The following IL4 variants were observed in gnomAD, a reference collection of about 807,000 sequenced individuals.
IL4 encodes the protein interleukin-4.
IL4 carries 10 observed loss-of-function variants against 17.4 expected under a neutral mutation model. That is an observed-to-expected ratio of 0.57 (90% confidence interval 0.35 to 0.97). The LOEUF (loss-of-function observed/expected upper bound fraction) is 0.97, where lower values mean the gene tolerates loss of function less well. Ranked by LOEUF, IL4 falls within the 50% of genes least tolerant of loss-of-function variation. The pLI, the probability that IL4 is intolerant of heterozygous loss-of-function variation, is 0.01. For synonymous variants in IL4, 87 were observed against 79.0 expected (o/e 1.10, Z -0.54); for missense variants, 174 against 187.7 (o/e 0.93, Z 0.43).
intron 2 of IL4, 60 bp downstream of exon 2, chr5:132,674,566 A>C: frequency 7.2e-7 from 1 of 1,397,150 alleles, no homozygotes; most frequent in East Asian, 2.3e-5. Flanking sequence ...CAAATGTCTG[A>C]ACAAGAAACT....
At chr5:132,676,741 G>A (rs1752389894) in intron 2 of IL4, among the ~76,000 whole-genome samples, 1 of 152,204 alleles carries the variant, frequency 6.6e-6, no homozygotes, top group Admixed American at 6.5e-5. Context: ...ACCTACAAAG[G>A]TGGTATGCAG....
intron 2 of IL4, among the ~76,000 whole-genome samples, chr5:132,679,361 G>A (rs1752441495): frequency 6.6e-6 from 1 of 152,218 alleles, no homozygotes; most frequent in South Asian, 2.1e-4. Context: ...TAGAGACACG[G>A]ACGCAGAACG....
chr5:132,676,193 C>T (rs1484430788), intron 2 of IL4, among the ~76,000 whole-genome samples: 1 of 152,076 alleles, frequency 6.6e-6, no homozygotes, highest in Non-Finnish European at 1.5e-5. Context: ...GTGTGGCTGG[C>T]CTTCAGCACA....
At chr5:132,674,207 T>A in intron 1 of IL4, 22 bp downstream of exon 1, 1 of 1,611,956 alleles carries the variant, frequency 6.2e-7, no homozygotes, top group Non-Finnish European at 8.5e-7. Context: ...TCTGGCACCA[T>A]CTCTCCAGAT....
At chr5:132,674,278 G>A in intron 1 of IL4, 93 bp downstream of exon 1, 1 of 1,484,446 alleles carries the variant, frequency 6.7e-7, no homozygotes, top group Admixed American at 1.7e-5. Context: ...TAGAGAAGTT[G>A]GAACTGGTGG....
rs1561678528 is a variant in IL4, at chr5:132,680,909, TC to T, written c.360+1021del. Among the ~76,000 whole-genome samples, 3 of 152,192 alleles carry T rather than the reference TC, an allele frequency of 2.0e-5. No individual in the cohort carries two copies. Among genetic ancestry groups the T allele is most frequent in the Non-Finnish European group, 2.9e-5 (2 of 68,022 alleles). The stretch of plus-strand genomic sequence containing the variant: ...GGGGAGGAAAAGATGACCTCTTTGT[TC>T]CTGCCCAAACCCCTCTGGCGATGGT... On this transcript the variant is annotated intron_variant, in intron 3 of 3. Coordinates refer to ENST00000231449, the MANE Select transcript of IL4 (RefSeq NM_000589.4). This position sits in a 1 kb window ranked among gnomAD's most constrained non-coding sequence, Gnocchi z 4.3.
intron 2 of IL4, among the ~76,000 whole-genome samples, chr5:132,675,470 C>CG (rs943036773): frequency 1.5e-5 from 2 of 135,614 alleles, no homozygotes; most frequent in African/African-American, 6.0e-5. Context: ...AACTGCTCTT[C>CG]GGGCCTTTAG....
intron 2 of IL4, among the ~76,000 whole-genome samples, chr5:132,675,902 T>C (rs1752372564): frequency 1.4e-5 from 2 of 143,776 alleles, no homozygotes; most frequent in Non-Finnish European, 3.0e-5. Flanking sequence ...TGTATATATA[T>C]GTGTGTATGT....
At chr5:132,676,633 G>A (rs147386751) in intron 2 of IL4, among the ~76,000 whole-genome samples, 9 of 152,246 alleles carry the variant, frequency 5.9e-5, no homozygotes, top group South Asian at 4.1e-4. Context: ...TGGAGTTCAC[G>A]ATCTCACTCT....
At chr5:132,676,246 T>C (rs370175083) in intron 2 of IL4, among the ~76,000 whole-genome samples, 172 of 152,272 alleles carry the variant, frequency 1.1e-3, no homozygotes, top group African/African-American at 4.0e-3. Flanking sequence ...TGTGAAGATA[T>C]GAAAGTGATT....
At chr5:132,681,956 T>A (rs770607567) in intron 3 of IL4, among the ~76,000 whole-genome samples, 60 of 152,116 alleles carry the variant, frequency 3.9e-4, no homozygotes, top group Non-Finnish European at 8.4e-4. Flanking sequence ...AAGTAGTACA[T>A]CCTAAGCAAT....
rs1361768613 is a variant in IL4, at chr5:132,680,423, A to G, written c.360+533A>G. Among the ~76,000 whole-genome samples, 1 of 152,242 alleles carries G rather than the reference A, an allele frequency of 6.6e-6. No individual in the cohort carries two copies. The highest frequency in any genetic ancestry group is 1.5e-5 in the Non-Finnish European group (1 of 68,034). On this transcript the variant is annotated intron_variant, in intron 3 of 3. Coordinates refer to ENST00000231449, the MANE Select transcript of IL4 (RefSeq NM_000589.4). This position sits in a 1 kb window ranked among gnomAD's most constrained non-coding sequence, Gnocchi z 4.3. ...TCAGAGTGAGTGAGGGGTAGTTTCC[A>G]GGACAGCAGATCACACAAGGCCTTT... is the stretch of plus-strand genomic sequence containing the variant.
At chr5:132,675,847 T>G (rs991867283) in intron 2 of IL4, among the ~76,000 whole-genome samples, 153 of 67,952 alleles carry the variant, frequency 2.3e-3, no homozygotes, top group African/African-American at 7.5e-3. Flanking sequence ...GGGCAACAGT[T>G]TATGTGTGTG....
intron 2 of IL4, among the ~76,000 whole-genome samples, chr5:132,675,417 G>T (rs894972629): frequency 6.6e-6 from 1 of 152,186 alleles, no homozygotes; most frequent in Non-Finnish European, 1.5e-5. Context: ...TCACACTCCA[G>T]CACCCAGACC....
rs1051395184 is a variant in IL4 at position 132,674,469 on chromosome 5, C to G, written c.146C>G (p.Thr49Ser). The change falls in exon 2 of 4, where the codon ACC (threonine) becomes AGC (serine). Residue 49 changes from threonine (T) to serine (S), a missense_variant. Physicochemically the swap from Thr to Ser is moderately conservative, Grantham distance 58. Coordinates refer to ENST00000231449, the MANE Select transcript of IL4 (RefSeq NM_000589.4). Reference protein sequence around the residue: ...NSLTEQKTLCTELTVTDIFAA... With the variant: ...NSLTEQKTLCSELTVTDIFAA... The stretch of plus-strand genomic sequence containing the variant: ...TCTGCCTGGACCAAGACTCTGTGCA[C>G]CGAGTTGACCGTAACAGACATCTTT... 6.2e-7 allele frequency: 1 copy of G among 1,614,134 alleles called. No homozygotes were observed.
At chr5:132,676,070 A>AG (rs1752379500) in intron 2 of IL4, among the ~76,000 whole-genome samples, 13 of 151,946 alleles carry the variant, frequency 8.6e-5, no homozygotes, top group Admixed American at 6.6e-4. Flanking sequence ...GCTCTAACAA[A>AG]GCCAAGGGAA....
intron 2 of IL4, among the ~76,000 whole-genome samples, chr5:132,678,164 T>C (rs1046049803): frequency 1.3e-5 from 2 of 152,200 alleles, no homozygotes; most frequent in South Asian, 2.1e-4. Flanking sequence ...AAGATTTCTA[T>C]AGTTTACTCA....
chr5:132,681,624 T>A (rs1752489786), intron 3 of IL4, among the ~76,000 whole-genome samples: 2 of 152,158 alleles, frequency 1.3e-5, no homozygotes, highest in South Asian at 4.1e-4. Flanking sequence ...AGCATGTTAA[T>A]GCACCTGGGG....
At chr5:132,675,883 ATGTG>A (rs1201827682) in intron 2 of IL4, among the ~76,000 whole-genome samples, 4 of 129,098 alleles carry the variant, frequency 3.1e-5, no homozygotes, top group Non-Finnish European at 6.2e-5. Flanking sequence ...GTGTGTATAT[ATGTG>A]TGTGTGTATA....
Sources: allele counts gnomAD v4.1 joint callset (sites outside exome capture counted in the v4.1 genomes callset), GRCh38; gene constraint gnomAD v4.1.1; non-coding constraint Gnocchi (gnomAD v3.1); transcripts MANE v1.5; gene names NCBI Gene and HGNC (gene_info 2026-07-23, HGNC 2026-07-21).